Variants in QTGAL observed in about 807,000 individuals in gnomAD.
QTGAL encodes the protein queuosine-tRNA galactosyltransferase, also known as BGnT-like protein 1.
chr17:82,978,324 G>A, the QTGAL span, among the ~76,000 whole-genome samples: 3 of 152,212 alleles, frequency 2.0e-5, no homozygotes, highest in African/African-American at 4.8e-5. The surrounding 1 kb of genome is among the most constrained non-coding windows in gnomAD (Gnocchi z 4.8). Context: ...AGGTTTTATC[G>A]GAGATGGATA....
At chr17:82,980,894 C>A in the QTGAL span, among the ~76,000 whole-genome samples, 1 of 152,174 alleles carries the variant, frequency 6.6e-6, no homozygotes, top group African/African-American at 2.4e-5. Context: ...AAAGTTCCAA[C>A]CCTCTGAGCA....
the QTGAL span, chr17:83,048,405 G>T: frequency 7.3e-7 from 1 of 1,370,526 alleles, no homozygotes; most frequent in Non-Finnish European, 1.0e-6. Flanking sequence ...ACATGAAACT[G>T]TTTCGGTACG....
the QTGAL span, among the ~76,000 whole-genome samples, chr17:83,037,139 A>G: frequency 6.6e-6 from 1 of 152,212 alleles, no homozygotes; most frequent in Admixed American, 6.5e-5. This position sits in a 1 kb window ranked among gnomAD's most constrained non-coding sequence, Gnocchi z 5.2. Context: ...ATCCAAATCA[A>G]GACAAGCTGC....
chr17:82,965,754 C>A, the QTGAL span: 2 of 1,607,398 alleles, frequency 1.2e-6, no homozygotes, highest in South Asian at 2.2e-5. Flanking sequence ...AACCTAGAAG[C>A]AATTAACGTT....
the QTGAL span, among the ~76,000 whole-genome samples, chr17:83,002,840 G>A: frequency 3.2e-5 from 3 of 95,232 alleles, no homozygotes; most frequent in South Asian, 3.4e-4. Flanking sequence ...TCCTGAGCCC[G>A]CCCTCCCACT....
chr17:83,051,406 C>T, the QTGAL span, among the ~76,000 whole-genome samples: 1 of 152,040 alleles, frequency 6.6e-6, no homozygotes, highest in African/African-American at 2.4e-5. Context: ...TGAGGGCGAA[C>T]GGGGAACTGC....
the QTGAL span, among the ~76,000 whole-genome samples, chr17:83,040,107 C>T: frequency 6.6e-6 from 1 of 152,188 alleles, no homozygotes; most frequent in African/African-American, 2.4e-5. Context: ...GCTCCTGATC[C>T]TGGATGTGTC....
the QTGAL span, among the ~76,000 whole-genome samples, chr17:82,954,783 T>C: frequency 6.6e-6 from 1 of 152,086 alleles, no homozygotes; most frequent in African/African-American, 2.4e-5. Flanking sequence ...CCAAAACAGA[T>C]ACATAGATCA....
the QTGAL span, among the ~76,000 whole-genome samples, chr17:82,972,856 T>C: frequency 4.3e-3 from 244 of 56,184 alleles, 1 homozygote; most frequent in African/African-American, 0.014. Flanking sequence ...ACCACACTCA[T>C]AGGGGCCAGA....
At chr17:83,005,567 G>A in the QTGAL span, 1 of 702,708 alleles carries the variant, frequency 1.4e-6, no homozygotes, top group South Asian at 1.5e-5. This position sits in a 1 kb window ranked among gnomAD's most constrained non-coding sequence, Gnocchi z 5.6. Context: ...TTATTTCTAA[G>A]AACTCACTTC....
the QTGAL span, among the ~76,000 whole-genome samples, chr17:83,044,839 G>A: frequency 9.4e-4 from 143 of 152,244 alleles, no homozygotes; most frequent in African/African-American, 3.2e-3. Flanking sequence ...CCAGCTGCTC[G>A]GGAGGCTGAG....
At chr17:83,038,014 G>A in the QTGAL span, among the ~76,000 whole-genome samples, 2 of 152,060 alleles carry the variant, frequency 1.3e-5, no homozygotes, top group Non-Finnish European at 2.9e-5. Context: ...AGAAGAGTGG[G>A]GATTGTACTT....
the QTGAL span, chr17:82,947,212 C>CTT: frequency 1.9e-6 from 1 of 531,564 alleles, no homozygotes; most frequent in Admixed American, 3.4e-5. Context: ...CCCCCCCTGC[C>CTT]TTCTGGCCTT....
the QTGAL span, chr17:82,946,904 C>T: frequency 6.4e-7 from 1 of 1,564,038 alleles, no homozygotes. Flanking sequence ...ATGGGTCCGT[C>T]AGCTGAAGTG....
chr17:82,996,194 A>C, the QTGAL span, among the ~76,000 whole-genome samples: 1 of 152,222 alleles, frequency 6.6e-6, no homozygotes, highest in African/African-American at 2.4e-5. Flanking sequence ...ATTTAATGCA[A>C]TCCCTATCAA....
the QTGAL span, among the ~76,000 whole-genome samples, chr17:82,969,070 G>A: frequency 0.44 from 66,047 of 150,530 alleles, 15,981 homozygotes; most frequent in South Asian, 0.61. Flanking sequence ...GGAGGCGGAG[G>A]TTGCAGTGAG....
the QTGAL span, among the ~76,000 whole-genome samples, chr17:83,033,854 A>G: frequency 6.6e-6 from 1 of 152,170 alleles, no homozygotes; most frequent in South Asian, 2.1e-4. Flanking sequence ...AAATGACTTA[A>G]ATTCTTAGAA....
the QTGAL span, among the ~76,000 whole-genome samples, chr17:83,023,991 G>A: frequency 7.9e-5 from 12 of 152,248 alleles, no homozygotes; most frequent in East Asian, 1.9e-4. Context: ...CTTCTACCTC[G>A]CCAGAGCAAA....
the QTGAL span, chr17:82,944,690 A>T: frequency 2.6e-5 from 4 of 152,182 alleles, no homozygotes; most frequent in African/African-American, 9.7e-5. Context: ...CGGGGAGCTG[A>T]TGTGGGATTT....
Sources: gnomAD v4.1 joint callset for allele counts (sites outside exome capture counted in the v4.1 genomes callset) on GRCh38, gnomAD v4.1.1 for gene constraint, Gnocchi (gnomAD v3.1) non-coding constraint, MANE v1.5 for transcripts, NCBI Gene and HGNC (gene_info 2026-07-23, HGNC 2026-07-21) for gene names.